The following DMRT1 variants were observed in gnomAD, a reference collection of about 807,000 sequenced individuals.
DMRT1 encodes the protein doublesex and mab-3 related transcription factor 1, also known as doublesex- and mab-3-related transcription factor 1.
A neutral mutation model predicts 32.3 loss-of-function variants in DMRT1; 7 were observed. That is an observed-to-expected ratio of 0.22 (90% CI 0.12 to 0.41). The LOEUF (loss-of-function observed/expected upper bound fraction) is 0.41. Among genes scored for constraint, DMRT1 ranks in the 10% least tolerant of loss-of-function variants. The pLI is 1.00. For missense variants in DMRT1, 625 were observed against 500.5 expected (o/e 1.25, Z -2.37); for synonymous variants, 278 against 206.1 (o/e 1.35, Z -2.99).
chr9:906,031 C>G (rs1885777), intron 3 of DMRT1, among the ~76,000 whole-genome samples: 2 of 19,232 alleles, frequency 1.0e-4, no homozygotes, highest in Non-Finnish European at 6.0e-4. Context: ...ACACACACAC[C>G]CACACACACA....
chr9:949,398 A>T (rs1348940500), intron 4 of DMRT1, among the ~76,000 whole-genome samples: 1 of 151,778 alleles, frequency 6.6e-6, no homozygotes, highest in African/African-American at 2.4e-5. Flanking sequence ...CCCACAAAAA[A>T]CTTTTCTGAA....
At chr9:917,044 A>G in intron 4 of DMRT1, 137 bp downstream of exon 4, 3 of 960,452 alleles carry the variant, frequency 3.1e-6, no homozygotes, top group South Asian at 1.4e-5. Context: ...TTGGATAAGT[A>G]TCCTTTAAAG....
At position 894,207 on chromosome 9, in the gene DMRT1, A is replaced by G; in HGVS notation, c.822+12A>G. The stretch of plus-strand genomic sequence containing the variant: ...GAAACCAGTGGCAGGTATGATATTA[A>G]TTACCCAGAGAGTGAACTGGTTGTG... On this transcript the variant is annotated intron_variant, in intron 3 of 4. Coordinates refer to ENST00000382276, the MANE Select transcript of DMRT1 (RefSeq NM_021951.3). The G allele has an allele frequency of 6.2e-7, 1 of 1,612,390 alleles. No homozygotes were observed. Among genetic ancestry groups the G allele is most frequent in the East Asian group, 2.2e-5 (1 of 44,882 alleles).
chr9:902,551 G>A (rs370165891), intron 3 of DMRT1, among the ~76,000 whole-genome samples: 2 of 150,396 alleles, frequency 1.3e-5, no homozygotes, highest in East Asian at 4.0e-4. Flanking sequence ...CACCAATGCA[G>A]TTTCTCGGCT....
At chr9:856,213 G>A (rs573734514) in intron 2 of DMRT1, among the ~76,000 whole-genome samples, 2 of 152,116 alleles carry the variant, frequency 1.3e-5, no homozygotes, top group African/African-American at 2.4e-5. Flanking sequence ...CACCGCGCCC[G>A]GTGACCTCTG....
intron 2 of DMRT1, among the ~76,000 whole-genome samples, chr9:883,144 C>G (rs1266745288): frequency 1.3e-5 from 2 of 151,918 alleles, no homozygotes; most frequent in Admixed American, 6.6e-5. Flanking sequence ...CACATTGACG[C>G]TGCACTCCCC....
At chr9:922,593 C>A (rs1373476358) in intron 4 of DMRT1, among the ~76,000 whole-genome samples, 1 of 152,102 alleles carries the variant, frequency 6.6e-6, no homozygotes. Context: ...TCGACACCTG[C>A]AAAAAGGTTT....
intron 4 of DMRT1, among the ~76,000 whole-genome samples, chr9:942,029 A>G (rs893042809): frequency 6.6e-6 from 1 of 152,196 alleles, no homozygotes; most frequent in African/African-American, 2.4e-5. Context: ...TATCATGGTT[A>G]TGTATAACAT....
At chr9:862,677 A>G (rs1397906454) in intron 2 of DMRT1, among the ~76,000 whole-genome samples, 1 of 152,132 alleles carries the variant, frequency 6.6e-6, no homozygotes, top group African/African-American at 2.4e-5. Flanking sequence ...GTGGCAGTAG[A>G]GATGGAAAGA....
At position 842,155 on chromosome 9, in the gene DMRT1, A is replaced by C; in HGVS notation, c.317A>C (p.Asn106Thr). The C allele has an allele frequency of 6.5e-7, 1 of 1,547,744 alleles. No individual in the cohort carries two copies. The highest frequency in any genetic ancestry group is 8.7e-7 in the Non-Finnish European group (1 of 1,151,950). Residue 106 changes from asparagine to threonine, a missense_variant, in exon 1 of 5, where the codon AAC becomes ACC. Transcript: ENST00000382276. ...CGCGACTGCCAGTGCAAGAAGTGCA[A>C]CCTGATCGCCGAGAGGCAGCGCGTG... ...MWRDCQCKKC[N>T]LIAERQRVMA...
chr9:936,561 G>T (rs1818891991), intron 4 of DMRT1, among the ~76,000 whole-genome samples: 1 of 152,042 alleles, frequency 6.6e-6, no homozygotes, highest in South Asian at 2.1e-4. Context: ...AGACCAGCCT[G>T]GCCAACATGG....
At chr9:936,728 T>G (rs1818898550) in intron 4 of DMRT1, among the ~76,000 whole-genome samples, 1 of 142,588 alleles carries the variant, frequency 7.0e-6, no homozygotes, top group Non-Finnish European at 1.5e-5. Context: ...CACTCCAGCC[T>G]GGGCAACAGA....
chr9:928,866 A>ATTTC (rs1332301750), intron 4 of DMRT1, among the ~76,000 whole-genome samples: 3 of 151,112 alleles, frequency 2.0e-5, no homozygotes, highest in Non-Finnish European at 4.4e-5. Context: ...TTATTTATTT[A>ATTTC]TTTATTTTGT....
intron 4 of DMRT1, among the ~76,000 whole-genome samples, chr9:927,365 A>G (rs1818561833): frequency 1.3e-5 from 2 of 152,258 alleles, no homozygotes; most frequent in South Asian, 4.1e-4. Flanking sequence ...CATAAAAACC[A>G]GCTCAGTGTG....
chr9:931,000 C>A (rs1476709233), intron 4 of DMRT1, among the ~76,000 whole-genome samples: 1 of 152,156 alleles, frequency 6.6e-6, no homozygotes, highest in Non-Finnish European at 1.5e-5. Flanking sequence ...CCAAAACAAT[C>A]CCCATATTAC....
chr9:907,882 C>G (rs1206036225), intron 3 of DMRT1, among the ~76,000 whole-genome samples: 1 of 151,700 alleles, frequency 6.6e-6, no homozygotes, highest in Non-Finnish European at 1.5e-5. Context: ...CACACACTGA[C>G]TGCATACTGA....
intron 4 of DMRT1, among the ~76,000 whole-genome samples, chr9:961,880 T>C (rs559606317): frequency 6.6e-6 from 1 of 152,364 alleles, no homozygotes; most frequent in South Asian, 2.1e-4. Flanking sequence ...TCTTCACTAC[T>C]ATCTGTTATT....
At chr9:846,728 C>A (rs952435071) in intron 1 of DMRT1, among the ~76,000 whole-genome samples, 1 of 152,158 alleles carries the variant, frequency 6.6e-6, no homozygotes, top group Non-Finnish European at 1.5e-5. Flanking sequence ...TTCCAGGTAT[C>A]TGCGACCATG....
intron 2 of DMRT1, among the ~76,000 whole-genome samples, chr9:861,987 G>T (rs1253474510): frequency 2.0e-5 from 3 of 151,118 alleles, no homozygotes; most frequent in African/African-American, 4.9e-5. Flanking sequence ...ACGGGATGAC[G>T]GCCGGGAAGA....
Sources: gnomAD v4.1 joint callset for allele counts (sites outside exome capture counted in the v4.1 genomes callset) on GRCh38, gnomAD v4.1.1 for gene constraint, MANE v1.5 for transcripts, NCBI Gene and HGNC (gene_info 2026-07-23, HGNC 2026-07-21) for gene names.